Variants in UBTD2 observed in about 807,000 individuals in gnomAD.
UBTD2 encodes the protein ubiquitin domain-containing protein 2.
A neutral mutation model predicts 19.8 loss-of-function variants in UBTD2; 9 were observed. That is an observed-to-expected ratio of 0.46 (90% CI 0.27 to 0.79). The LOEUF is 0.79. Ranked by LOEUF, UBTD2 falls within the 30% of genes least tolerant of loss-of-function variation. The pLI is 0.14. For synonymous variants in UBTD2, 98 were observed against 103.9 expected (o/e 0.94, Z 0.35); for missense variants, 250 against 300.4 (o/e 0.83, Z 1.24).
intron 1 of UBTD2, among the ~76,000 whole-genome samples, chr5:172,264,104 A>G (rs974209527): frequency 2.6e-5 from 4 of 152,126 alleles, no homozygotes; most frequent in Non-Finnish European, 5.9e-5. Context: ...TTTTTGAAAC[A>G]GGGTCTTGCC....
intron 1 of UBTD2, among the ~76,000 whole-genome samples, chr5:172,263,701 G>A (rs1334492131): frequency 6.6e-6 from 1 of 152,168 alleles, no homozygotes; most frequent in Non-Finnish European, 1.5e-5. Context: ...GGCTGAGGCA[G>A]GAGAATGGCG....
At chr5:172,259,703 A>C (rs1278314449) in intron 1 of UBTD2, among the ~76,000 whole-genome samples, 1 of 152,036 alleles carries the variant, frequency 6.6e-6, no homozygotes, top group East Asian at 1.9e-4. Flanking sequence ...TTCCAATCTG[A>C]ACTTGACAAG....
intron 1 of UBTD2, among the ~76,000 whole-genome samples, chr5:172,240,939 T>C (rs569898900): frequency 6.6e-6 from 1 of 152,170 alleles, no homozygotes; most frequent in Admixed American, 6.6e-5. Flanking sequence ...TACATATATA[T>C]AAATAAAAGA....
chr5:172,246,944 T>A (rs1177018883), intron 1 of UBTD2, among the ~76,000 whole-genome samples: 4 of 150,726 alleles, frequency 2.7e-5, no homozygotes, highest in African/African-American at 9.8e-5. Flanking sequence ...TCAGTAGAGA[T>A]GGGGTTTCAC....
intron 1 of UBTD2, chr5:172,255,100 C>A (rs1755111161): frequency 6.1e-6 from 3 of 489,184 alleles, no homozygotes; most frequent in Middle Eastern, 3.4e-4. Flanking sequence ...GGCTGCCAGC[C>A]TGGAGAAGGG....
intron 1 of UBTD2, among the ~76,000 whole-genome samples, chr5:172,275,755 T>C (rs865820229): frequency 1.6e-4 from 25 of 152,190 alleles, no homozygotes; most frequent in Non-Finnish European, 1.6e-4. Flanking sequence ...CCACACTACA[T>C]GGTGACTCCA....
At chr5:172,253,514 C>T (rs1045721578) in intron 1 of UBTD2, among the ~76,000 whole-genome samples, 4 of 149,970 alleles carry the variant, frequency 2.7e-5, no homozygotes, top group South Asian at 2.1e-4. Flanking sequence ...AGTGCAGTGG[C>T]GGGATCTCCA....
At chr5:172,236,560 C>A (rs1225581258) in intron 1 of UBTD2, among the ~76,000 whole-genome samples, 1 of 152,196 alleles carries the variant, frequency 6.6e-6, no homozygotes, top group Non-Finnish European at 1.5e-5. Context: ...CGATGGAATG[C>A]AAGGTTGATT....
chr5:172,276,543 G>C (rs564071672), intron 1 of UBTD2, among the ~76,000 whole-genome samples: 2 of 152,164 alleles, frequency 1.3e-5, no homozygotes, highest in Non-Finnish European at 2.9e-5. Flanking sequence ...GACTGGATGT[G>C]ACTCATGTAC....
At chr5:172,256,610 A>AT (rs918887817) in intron 1 of UBTD2, among the ~76,000 whole-genome samples, 5 of 137,846 alleles carry the variant, frequency 3.6e-5, no homozygotes, top group South Asian at 2.3e-4. Flanking sequence ...TATTTTTCTG[A>AT]TTTTTTTTCA....
chr5:172,219,959 A>G (rs1771619053), intron 2 of UBTD2, among the ~76,000 whole-genome samples: 1 of 152,232 alleles, frequency 6.6e-6, no homozygotes, highest in Non-Finnish European at 1.5e-5. Flanking sequence ...CCCCATGGAT[A>G]AGGGGGTACC....
intron 2 of UBTD2, among the ~76,000 whole-genome samples, chr5:172,217,418 CAA>C (rs35018283): frequency 0.012 from 1,430 of 114,812 alleles, 9 homozygotes; most frequent in African/African-American, 0.039. Flanking sequence ...GACTCTGTCT[CAA>C]AAAAAAAAAA....
At chr5:172,270,430 T>C (rs1755463824) in intron 1 of UBTD2, among the ~76,000 whole-genome samples, 2 of 145,916 alleles carry the variant, frequency 1.4e-5, no homozygotes, top group South Asian at 4.4e-4. Flanking sequence ...CGATCTCGGC[T>C]CTTCAACCTC....
intron 1 of UBTD2, among the ~76,000 whole-genome samples, chr5:172,237,890 T>C (rs1293831805): frequency 2.6e-5 from 4 of 152,354 alleles, no homozygotes; most frequent in South Asian, 2.1e-4. Flanking sequence ...ATACAGGCTG[T>C]CTTTCTTCTT....
intron 1 of UBTD2, chr5:172,254,951 T>C (rs1479454627): frequency 3.7e-6 from 2 of 537,022 alleles, no homozygotes; most frequent in East Asian, 4.4e-5. Context: ...GAGAGGCTCC[T>C]GGAGGTGACT....
chr5:172,263,611 G>C (rs1581230974), intron 1 of UBTD2, among the ~76,000 whole-genome samples: 1 of 152,010 alleles, frequency 6.6e-6, no homozygotes, highest in Non-Finnish European at 1.5e-5. Flanking sequence ...CAGTTAACAC[G>C]GTGAAACCCC....
At chr5:172,243,372 T>A (rs991163314) in intron 1 of UBTD2, among the ~76,000 whole-genome samples, 1 of 152,000 alleles carries the variant, frequency 6.6e-6, no homozygotes, top group Admixed American at 6.6e-5. Flanking sequence ...TATTTGGAGA[T>A]GGGGCACTGA....
At chr5:172,232,591 C>T (rs1771923522) in intron 2 of UBTD2, among the ~76,000 whole-genome samples, 1 of 151,974 alleles carries the variant, frequency 6.6e-6, no homozygotes, top group Admixed American at 6.6e-5. Context: ...ACAGGCACAG[C>T]AGCTCATGCT....
intron 2 of UBTD2, among the ~76,000 whole-genome samples, chr5:172,225,644 G>A (rs529359337): frequency 6.6e-6 from 1 of 152,310 alleles, no homozygotes; most frequent in Non-Finnish European, 1.5e-5. Context: ...GTGTTGGCAA[G>A]GGTGTGGAAA....
Sources: allele counts gnomAD v4.1 joint callset (sites outside exome capture counted in the v4.1 genomes callset), GRCh38; gene constraint gnomAD v4.1.1; transcripts MANE v1.5; gene names NCBI Gene and HGNC (gene_info 2026-07-23, HGNC 2026-07-21).